The following CUX1 variants were observed in gnomAD, a reference collection of about 807,000 sequenced individuals.
The protein encoded by CUX1 is protein CASP.
Under a neutral mutation model 158.8 loss-of-function variants are expected in CUX1, and 31 were observed. The observed-to-expected ratio is 0.20, with a 90% CI of 0.15 to 0.26. The LOEUF is 0.26. Among genes scored for constraint, CUX1 ranks in the 10% least tolerant of loss-of-function variants. The probability of loss-of-function intolerance (pLI) is 1.00; values close to 1 mark genes in which losing one functional copy is unlikely to be tolerated. For synonymous variants in CUX1, 879 were observed against 862.1 expected, an observed-to-expected ratio of 1.02 and a Z score of -0.34; for missense variants, 1,589 against 2,014.6, an observed-to-expected ratio of 0.79 and a Z score of 4.04.
intron 3 of CUX1, among the ~76,000 whole-genome samples, chr7:102,056,543 C>T (rs1015114073): frequency 1.3e-5 from 2 of 152,182 alleles, no homozygotes; most frequent in Admixed American, 6.5e-5. Context: ...TTTAAGCACA[C>T]TGTTGAGACC....
chr7:101,821,499 T>C (rs867368694), intron 1 of CUX1, among the ~76,000 whole-genome samples: 173 of 150,564 alleles, frequency 1.1e-3, no homozygotes, highest in Non-Finnish European at 1.8e-3. Context: ...CCACCAGGCC[T>C]GGCTAATTTT....
chr7:102,280,155 G>A, intron 19 of CUX1: 1 of 1,461,670 alleles, frequency 6.8e-7, no homozygotes, highest in Non-Finnish European at 9.5e-7. Context: ...GGAGGGGAGG[G>A]GCATCAGCCC....
chr7:102,129,793 G>A (rs1156352417), intron 8 of CUX1, among the ~76,000 whole-genome samples: 4 of 152,094 alleles, frequency 2.6e-5, no homozygotes, highest in Admixed American at 1.3e-4. Flanking sequence ...TTCGGTCCCC[G>A]CCCAGCTGAC....
At position 102,250,053 on chromosome 7, in the gene CUX1, A is replaced by C. The variant is rs1249814721; in HGVS notation, c.*1011A>C. The C allele has an allele frequency of 3.6e-5, 35 of 975,538 alleles. No homozygotes were observed. The highest frequency in any genetic ancestry group is 4.2e-5 in the Non-Finnish European group (35 of 826,120). The allele number at this position is 975,538 out of a possible 1,614,324, so 60.4% of individuals were successfully genotyped here. A position where few individuals can be genotyped will look rare whatever the true frequency, so the allele number is the denominator to read the frequency against. Reference sequence around the variant, plus strand: ...TAGGCCAAATCAGGACAAAAAAAAGAAAAAAAAAGAAAAAAAAAAAAGAAA... The same window carrying C: ...TAGGCCAAATCAGGACAAAAAAAAGCAAAAAAAAGAAAAAAAAAAAAGAAA... On this transcript the variant is annotated 3_prime_UTR_variant, in exon 24 of 24. Transcript: ENST00000292535.
chr7:102,005,616 G>A (rs564270424), intron 2 of CUX1, among the ~76,000 whole-genome samples: 1 of 152,140 alleles, frequency 6.6e-6, no homozygotes, highest in Non-Finnish European at 1.5e-5. Flanking sequence ...GGTTATAGAC[G>A]TGAGCCACTG....
chr7:102,010,847 A>G (rs535294095), intron 2 of CUX1, among the ~76,000 whole-genome samples: 6 of 152,328 alleles, frequency 3.9e-5, no homozygotes, highest in Non-Finnish European at 8.8e-5. Flanking sequence ...GTGGTGGCTC[A>G]TGCCTGTAGT....
intron 2 of CUX1, among the ~76,000 whole-genome samples, chr7:101,988,902 G>C (rs907568055): frequency 6.6e-6 from 1 of 152,076 alleles, no homozygotes; most frequent in Non-Finnish European, 1.5e-5. Flanking sequence ...GGAAGGCCAA[G>C]GCAGGAGGAT....
intron 8 of CUX1, among the ~76,000 whole-genome samples, chr7:102,121,025 T>C (rs1461241332): frequency 6.6e-6 from 1 of 152,184 alleles, no homozygotes; most frequent in Non-Finnish European, 1.5e-5. Flanking sequence ...ATTGCATCAC[T>C]GTACTCCAGC....
intron 20 of CUX1, among the ~76,000 whole-genome samples, chr7:102,216,128 A>T (rs1797018858): frequency 6.6e-6 from 1 of 152,090 alleles, no homozygotes; most frequent in Non-Finnish European, 1.5e-5. Context: ...ACATGGGGAA[A>T]CCCCATCTCT....
chr7:101,820,236 C>A (rs967591928), intron 1 of CUX1, among the ~76,000 whole-genome samples: 1 of 152,182 alleles, frequency 6.6e-6, no homozygotes, highest in African/African-American at 2.4e-5. Context: ...TGTAATGCCC[C>A]AGGAACGTCT....
chr7:102,052,199 T>TA (rs1414215703), intron 3 of CUX1, among the ~76,000 whole-genome samples: 3 of 152,038 alleles, frequency 2.0e-5, no homozygotes, highest in African/African-American at 7.2e-5. Flanking sequence ...CCAGCCTGGG[T>TA]AACAGAGTGA....
chr7:101,900,954 A>C (rs147222246), intron 1 of CUX1, among the ~76,000 whole-genome samples: 1 of 152,266 alleles, frequency 6.6e-6, no homozygotes, highest in East Asian at 1.9e-4. Flanking sequence ...GATAACTACT[A>C]TCTCTCTGGA....
chr7:102,260,576 T>C (rs1293436274), downstream of CUX1, among the ~76,000 whole-genome samples: 17 of 95,020 alleles, frequency 1.8e-4, no homozygotes, highest in Non-Finnish European at 3.1e-4. Flanking sequence ...CTGGCTTTTT[T>C]TTTTTTTTTT....
At position 102,131,492 on chromosome 7, in the gene CUX1, T is replaced by TA. The variant is rs782286192; in HGVS notation, c.674+16235dup. On this transcript the variant is annotated intron_variant, in intron 8 of 23. Transcript: ENST00000292535. ...AAAACAGCAAGACATAATTTCTGTT[T>TA]AAAAAAAAAAAAAAAAGTTTGAACA... 3.4e-3 allele frequency among the ~76,000 whole-genome samples: 452 copies of TA among 132,992 alleles called. 5 individuals are homozygous for TA. The highest frequency in any genetic ancestry group is 0.023 in the South Asian group (97 of 4,194). 87.2% of individuals were successfully genotyped at this position (132,992 alleles called of 152,430 possible). A position where few individuals can be genotyped will look rare whatever the true frequency, so the allele number is the denominator to read the frequency against.
chr7:101,931,534 A>C (rs1806290481), intron 2 of CUX1, among the ~76,000 whole-genome samples: 1 of 152,146 alleles, frequency 6.6e-6, no homozygotes, highest in South Asian at 2.1e-4. Context: ...AGAGAGGAGG[A>C]GTAACTTGCC....
Position 102,251,142 on chromosome 7 carries a change from T to TCCTG in CUX1, c.*2100_*2101insCCTG. 1.0e-6 allele frequency: 1 copy of TCCTG among 984,704 alleles called. No individual in the cohort carries two copies. Among genetic ancestry groups the TCCTG allele is most frequent in the Non-Finnish European group, 1.2e-6 (1 of 829,288 alleles). The allele number at this position is 984,704 out of a possible 1,614,324, so 61.0% of individuals were successfully genotyped here. On this transcript the variant is annotated 3_prime_UTR_variant, in exon 24 of 24. Transcript: ENST00000292535. Reference sequence around the variant, plus strand: ...CTGATTGAAAACTTTTTGACCGTATTGTGTATCATTGAAACCTTTGTCTTA... The same window carrying TCCTG: ...CTGATTGAAAACTTTTTGACCGTATTCCTGGTGTATCATTGAAACCTTTGTCTTA...
intron 2 of CUX1, among the ~76,000 whole-genome samples, chr7:101,929,404 G>A (rs1459779318): frequency 6.6e-6 from 1 of 152,126 alleles, no homozygotes; most frequent in African/African-American, 2.4e-5. Flanking sequence ...TATTCTTTGA[G>A]AGTAGCCCAT....
chr7:101,875,261 C>G (rs1006259762), intron 1 of CUX1, among the ~76,000 whole-genome samples: 1 of 152,146 alleles, frequency 6.6e-6, no homozygotes, highest in Non-Finnish European at 1.5e-5. Flanking sequence ...TACCGTCAGC[C>G]ACATGCCAGG....
chr7:101,891,002 G>A (rs976974480), intron 1 of CUX1, among the ~76,000 whole-genome samples: 2 of 151,504 alleles, frequency 1.3e-5, no homozygotes, highest in African/African-American at 4.9e-5. Context: ...TTTTTTGAGC[G>A]GGGGCGGGGG....
Sources: gnomAD v4.1 joint callset for allele counts (sites outside exome capture counted in the v4.1 genomes callset) on GRCh38, gnomAD v4.1.1 for gene constraint, MANE v1.5 for transcripts, NCBI Gene and HGNC (gene_info 2026-07-23, HGNC 2026-07-21) for gene names.